The following SCMH1 variants were observed in gnomAD, a reference collection of about 807,000 sequenced individuals.
The protein encoded by SCMH1 is polycomb protein SCMH1.
In SCMH1, 37 loss-of-function variants were observed where a neutral mutation model predicts 70.8. The observed-to-expected ratio is 0.52, with a 90% CI of 0.40 to 0.69. The LOEUF is 0.69. Among genes scored for constraint, SCMH1 ranks in the 30% least tolerant of loss-of-function variants. The pLI is 0.00. For synonymous variants in SCMH1, 292 were observed against 307.4 expected, an observed-to-expected ratio of 0.95 and a Z score of 0.52; for missense variants, 607 against 827.3, an observed-to-expected ratio of 0.73 and a Z score of 3.27.
chr1:41,035,161 A>T (rs1233847751), intron 13 of SCMH1, among the ~76,000 whole-genome samples: 2 of 152,158 alleles, frequency 1.3e-5, no homozygotes, highest in Non-Finnish European at 2.9e-5. Context: ...GGCATGTCAA[A>T]CTTTCCATTT....
chr1:41,163,090 G>A (rs1646170708), intron 2 of SCMH1: 1 of 152,266 alleles, frequency 6.6e-6, no homozygotes, highest in South Asian at 2.1e-4. Flanking sequence ...AGCTTCCGGA[G>A]TCAGGGCTGT....
chr1:41,115,548 C>T (rs1670254008), intron 7 of SCMH1, among the ~76,000 whole-genome samples: 1 of 152,188 alleles, frequency 6.6e-6, no homozygotes, highest in African/African-American at 2.4e-5. Context: ...AGCGATTCTT[C>T]CACCTCGGTC....
rs1663700700 is a variant in SCMH1, at chr1:41,242,037, G to A, written c.-118+22C>T. 6.6e-6 allele frequency: 1 copy of A among 152,508 alleles called. No homozygotes were observed. Among genetic ancestry groups the A allele is most frequent in the Non-Finnish European group, 1.5e-5 (1 of 68,082 alleles). The allele number at this position is 152,508 out of a possible 1,614,324, so 9.4% of individuals were successfully genotyped here. On this transcript the variant is annotated intron_variant, in intron 1 of 14. Coordinates refer to ENST00000337495, the Ensembl canonical transcript of SCMH1. This position sits in a 1 kb window ranked among gnomAD's most constrained non-coding sequence, Gnocchi z 5.2. ...CAGGGCACGAGCTCTTAGGCGGGCG[G>A]AGGCGGCCGCGAGGCGCTTACCTGA...
chr1:41,159,879 G>C (rs1645875094), intron 4 of SCMH1: 1 of 1,256,074 alleles, frequency 8.0e-7, no homozygotes, highest in Non-Finnish European at 1.0e-6. Flanking sequence ...AAAAGTATTT[G>C]AGAGTTTTTA....
chr1:41,049,397 T>C (rs1467430872), intron 10 of SCMH1, among the ~76,000 whole-genome samples: 1 of 151,804 alleles, frequency 6.6e-6, no homozygotes, highest in East Asian at 1.9e-4. Flanking sequence ...GTTTTGGGCC[T>C]TAGGGTCCCT....
At chr1:41,224,972 C>T (rs11209721) in intron 1 of SCMH1, among the ~76,000 whole-genome samples, 35,718 of 152,012 alleles carry the variant, frequency 0.23, 5,025 homozygotes, top group Non-Finnish European at 0.31. Context: ...AAATCTTATA[C>T]TTTTTCCAGA....
rs141250771 is a variant in SCMH1 at position 41,077,318 on chromosome 1, G to A, written c.746-1867C>T. On this transcript the variant is annotated intron_variant, in intron 8 of 14. Coordinates refer to ENST00000337495, the Ensembl canonical transcript of SCMH1. ...GGGCTCTACTGGAGGAAAGAGAAAT[G>A]AGAGCTGCTGCGACAAACTGGAAAC... is the stretch of plus-strand genomic sequence containing the variant. Among the ~76,000 whole-genome samples, 142 of 152,264 alleles carry A rather than the reference G, an allele frequency of 9.3e-4. 2 individuals are homozygous for A. The East Asian group carries it at 0.017, about 18-fold the overall frequency.
chr1:41,072,316 G>T (rs1455854745), intron 9 of SCMH1, among the ~76,000 whole-genome samples: 1 of 152,230 alleles, frequency 6.6e-6, no homozygotes, highest in Non-Finnish European at 1.5e-5. Context: ...ATTTCACAGG[G>T]TTCCTAAAGG....
At chr1:41,183,469 A>G (rs896956404) in intron 2 of SCMH1, among the ~76,000 whole-genome samples, 4 of 152,082 alleles carry the variant, frequency 2.6e-5, no homozygotes, top group Admixed American at 6.6e-5. Context: ...CCTTTTCTCT[A>G]TTTGGGAAAT....
chr1:41,070,793 T>A, intron 9 of SCMH1, 72 bp from the exon 10 acceptor site: 1 of 1,565,652 alleles, frequency 6.4e-7, no homozygotes, highest in Non-Finnish European at 8.7e-7. Flanking sequence ...GGCACTTAAT[T>A]CACTCATGAA....
chr1:41,118,269 A>G (rs1671040897), intron 6 of SCMH1, among the ~76,000 whole-genome samples: 1 of 152,202 alleles, frequency 6.6e-6, no homozygotes, highest in African/African-American at 2.4e-5. Flanking sequence ...AGAGTCTCCA[A>G]ACCAAGTTTC....
rs563289474 is a variant in SCMH1, at chr1:41,212,880, GA to G, written c.-117-26631del. On this transcript the variant is annotated intron_variant, in intron 1 of 14. Coordinates refer to ENST00000337495, the Ensembl canonical transcript of SCMH1. ...AACAAAGTGAGACTCTGTCTGGAGGGAAAAAAAAAGATACATATTTTAACAG... is the reference window on the plus strand; with the variant it reads ...AACAAAGTGAGACTCTGTCTGGAGGGAAAAAAAAGATACATATTTTAACAG... Among the ~76,000 whole-genome samples, 82 of 149,586 alleles carry G rather than the reference GA, an allele frequency of 5.5e-4. 1 individual carries two copies. The highest frequency in any genetic ancestry group is 9.8e-4 in the Non-Finnish European group (66 of 67,340).
intron 8 of SCMH1, among the ~76,000 whole-genome samples, chr1:41,080,131 G>A (rs1052728717): frequency 1.3e-5 from 2 of 151,512 alleles, no homozygotes; most frequent in Non-Finnish European, 2.9e-5. Flanking sequence ...CATAATATAT[G>A]AGTCTCTCTC....
chr1:41,193,592 A>G (rs1652275809), intron 1 of SCMH1, among the ~76,000 whole-genome samples: 1 of 152,154 alleles, frequency 6.6e-6, no homozygotes, highest in South Asian at 2.1e-4. Context: ...AGAAAGACAA[A>G]TAGGCATTTC....
intron 5 of SCMH1, among the ~76,000 whole-genome samples, chr1:41,145,732 G>A (rs1644490640): frequency 6.6e-6 from 1 of 152,096 alleles, no homozygotes; most frequent in Non-Finnish European, 1.5e-5. Flanking sequence ...ATAGATTGTG[G>A]TCCCATAAGA....
intron 10 of SCMH1, among the ~76,000 whole-genome samples, chr1:41,067,276 C>T (rs1453810254): frequency 6.6e-6 from 1 of 151,932 alleles, no homozygotes; most frequent in African/African-American, 2.4e-5. Context: ...AACCCCATCT[C>T]TACTAAAAAT....
At chr1:41,060,055 T>G (rs1405373696) in intron 10 of SCMH1, among the ~76,000 whole-genome samples, 1 of 150,004 alleles carries the variant, frequency 6.7e-6, no homozygotes, top group African/African-American at 2.5e-5. Context: ...GGGATAACTA[T>G]AACAGATGTA....
chr1:41,189,706 A>G (rs1470918036), intron 1 of SCMH1, among the ~76,000 whole-genome samples: 1 of 152,230 alleles, frequency 6.6e-6, no homozygotes, highest in Non-Finnish European at 1.5e-5. Flanking sequence ...CTTTGTAGCA[A>G]CTATACATCT....
chr1:41,090,560 G>A (rs1253732026), intron 8 of SCMH1, among the ~76,000 whole-genome samples: 2 of 151,902 alleles, frequency 1.3e-5, no homozygotes, highest in Non-Finnish European at 2.9e-5. Flanking sequence ...AATGCTTGAG[G>A]TGATTGATAT....
Sources: gnomAD v4.1 joint callset for allele counts (sites outside exome capture counted in the v4.1 genomes callset) on GRCh38, gnomAD v4.1.1 for gene constraint, Gnocchi (gnomAD v3.1) non-coding constraint, MANE v1.5 for transcripts, NCBI Gene and HGNC (gene_info 2026-07-23, HGNC 2026-07-21) for gene names.